Variants in LINGO1 observed in about 807,000 individuals in gnomAD.
LINGO1 encodes leucine-rich repeat and immunoglobulin-like domain-containing nogo receptor-interacting protein 1.
LINGO1 carries 11 observed loss-of-function variants against 37.3 expected under a neutral mutation model. That is an observed-to-expected ratio of 0.29 (90% CI 0.19 to 0.49). The LOEUF is 0.49. Among genes scored for constraint, LINGO1 ranks in the 20% least tolerant of loss-of-function variants. LINGO1 has a pLI of 0.99. For missense variants in LINGO1, 585 were observed against 878.2 expected (o/e 0.67, Z 4.22); for synonymous variants, 387 against 403.0 (o/e 0.96, Z 0.48).
chr15:77,727,239 A>C (rs568975601), intron 2 of LINGO1, among the ~76,000 whole-genome samples: 6 of 152,354 alleles, frequency 3.9e-5, no homozygotes, highest in South Asian at 2.1e-4. Flanking sequence ...GTGTGCATAT[A>C]TATACATATC....
intron 1 of LINGO1, among the ~76,000 whole-genome samples, chr15:77,691,302 A>C (rs2075599185): frequency 6.6e-6 from 1 of 152,192 alleles, no homozygotes; most frequent in Non-Finnish European, 1.5e-5. Context: ...AGGTCCAGAG[A>C]GGAGAAGGGA....
intron 1 of LINGO1, among the ~76,000 whole-genome samples, chr15:77,783,847 C>G (rs2076745705): frequency 6.6e-6 from 1 of 152,182 alleles, no homozygotes; most frequent in African/African-American, 2.4e-5. Flanking sequence ...CGGTGCTGGA[C>G]CCACTCCAGC....
chr15:77,725,829 G>A (rs1567549218), intron 2 of LINGO1, among the ~76,000 whole-genome samples: 4 of 152,312 alleles, frequency 2.6e-5, no homozygotes, highest in Non-Finnish European at 5.9e-5. Context: ...GTGTCCATGG[G>A]CTTGAAAGAG....
At chr15:77,686,906 G>C (rs544393376) in intron 2 of LINGO1, among the ~76,000 whole-genome samples, 1 of 152,342 alleles carries the variant, frequency 6.6e-6, no homozygotes, top group East Asian at 1.9e-4. Context: ...CAGGGATCAT[G>C]GCTGATTCCT....
At chr15:77,660,270 A>G (rs931200556) in intron 3 of LINGO1, 1 of 152,304 alleles carries the variant, frequency 6.6e-6, no homozygotes, top group African/African-American at 2.4e-5. Flanking sequence ...AGGTTCAGCC[A>G]TGGTAAGACG....
At chr15:77,681,016 C>T (rs976932888) in intron 2 of LINGO1, among the ~76,000 whole-genome samples, 1 of 152,128 alleles carries the variant, frequency 6.6e-6, no homozygotes, top group Admixed American at 6.5e-5. Flanking sequence ...AACGCCCCTG[C>T]GACTTCTCAC....
intron 1 of LINGO1, among the ~76,000 whole-genome samples, chr15:77,801,067 G>A (rs2076914315): frequency 6.6e-6 from 1 of 152,208 alleles, no homozygotes; most frequent in Admixed American, 6.5e-5. Flanking sequence ...CCATTGGATG[G>A]AGGGGGAATT....
intron 1 of LINGO1, among the ~76,000 whole-genome samples, chr15:77,756,687 T>A (rs1016521602): frequency 5.3e-5 from 8 of 152,228 alleles, no homozygotes; most frequent in African/African-American, 1.9e-4. Context: ...TCTGCACATT[T>A]TCATCGCAGT....
intron 2 of LINGO1, among the ~76,000 whole-genome samples, chr15:77,726,231 G>A (rs572142304): frequency 1.3e-5 from 2 of 152,252 alleles, no homozygotes; most frequent in East Asian, 1.9e-4. Flanking sequence ...CTGTGTCTCC[G>A]CCCCTGTGTC....
chr15:77,744,197 G>A lies in LINGO1; in HGVS notation c.-256-9144C>T, dbSNP rs556232760. On this transcript the variant is annotated intron_variant, in intron 1 of 3. Transcript: ENST00000561686. ...CATAGGTTTGGAATTAACAAGCTGC[G>A]TGTCTATGAGCAAGTCCCTAACCTC... 8.5e-5 allele frequency among the ~76,000 whole-genome samples: 13 copies of A among 152,192 alleles called. 1 individual carries two copies. The highest frequency in any genetic ancestry group is 7.2e-4 in the Admixed American group (11 of 15,266).
chr15:77,798,112 A>G (rs1397860355), intron 1 of LINGO1, among the ~76,000 whole-genome samples: 1 of 152,166 alleles, frequency 6.6e-6, no homozygotes, highest in Non-Finnish European at 1.5e-5. Flanking sequence ...CCCTGTTGCC[A>G]GCTGGCCCTG....
At chr15:77,781,589 C>T (rs1028561612) in intron 1 of LINGO1, among the ~76,000 whole-genome samples, 4 of 152,224 alleles carry the variant, frequency 2.6e-5, no homozygotes. Context: ...CCCCCAGTCG[C>T]TGCACGTGGT....
intron 1 of LINGO1, among the ~76,000 whole-genome samples, chr15:77,765,550 A>T (rs1377451213): frequency 6.6e-6 from 1 of 152,092 alleles, no homozygotes; most frequent in East Asian, 1.9e-4. Context: ...GGAAGTCTGT[A>T]TGAGAAGCAG....
intron 1 of LINGO1, among the ~76,000 whole-genome samples, chr15:77,746,046 CA>C (rs907588225): frequency 9.8e-4 from 136 of 138,618 alleles, no homozygotes; most frequent in Middle Eastern, 3.6e-3. Context: ...CCTGTCTCTA[CA>C]AAAAAAAAAA....
chr15:77,706,467 T>TC (rs2075854101), intron 2 of LINGO1, among the ~76,000 whole-genome samples: 1 of 143,174 alleles, frequency 7.0e-6, no homozygotes, highest in Admixed American at 6.9e-5. Context: ...CCACCCACCC[T>TC]CCTCACTATT....
intron 1 of LINGO1, among the ~76,000 whole-genome samples, chr15:77,796,552 T>C (rs1176650957): frequency 6.6e-6 from 1 of 152,212 alleles, no homozygotes; most frequent in Non-Finnish European, 1.5e-5. Flanking sequence ...GTGCAGCCAA[T>C]GTCACTGCCT....
intron 1 of LINGO1, among the ~76,000 whole-genome samples, chr15:77,630,580 C>T (rs570594714): frequency 6.6e-6 from 1 of 152,154 alleles, no homozygotes; most frequent in South Asian, 2.1e-4. Flanking sequence ...AGTCTCTCCA[C>T]CTCCCTCCCA....
At chr15:77,662,649 G>GGCCT (rs1220173763) in intron 3 of LINGO1, among the ~76,000 whole-genome samples, 1 of 152,182 alleles carries the variant, frequency 6.6e-6, no homozygotes, top group Non-Finnish European at 1.5e-5. Context: ...GGTGAAGGCA[G>GGCCT]GCCTGCCTGC....
chr15:77,719,498 G>T (rs887591086), intron 2 of LINGO1, among the ~76,000 whole-genome samples: 1 of 149,828 alleles, frequency 6.7e-6, no homozygotes, highest in Non-Finnish European at 1.5e-5. Flanking sequence ...ATGGACATGA[G>T]GACGGGGAGG....
Sources: allele counts gnomAD v4.1 joint callset (sites outside exome capture counted in the v4.1 genomes callset), GRCh38; gene constraint gnomAD v4.1.1; transcripts MANE v1.5; gene names NCBI Gene and HGNC (gene_info 2026-07-23, HGNC 2026-07-21).